IL22RA1: variants seen among roughly 807,000 people sequenced by gnomAD.
The protein encoded by IL22RA1 is interleukin-22 receptor subunit alpha-1.
A neutral mutation model predicts 32.8 loss-of-function variants in IL22RA1; 25 were observed. The observed-to-expected ratio is 0.76, with a 90% CI of 0.55 to 1.06. IL22RA1 has a LOEUF of 1.06. Among genes scored for constraint, IL22RA1 ranks in the 50% least tolerant of loss-of-function variants. IL22RA1 has a pLI of 0.00. For missense variants in IL22RA1, 709 were observed against 727.4 expected, an observed-to-expected ratio of 0.97 and a Z score of 0.29; for synonymous variants, 305 against 305.0, an observed-to-expected ratio of 1.00 and a Z score of 0.00.
intron 5 of IL22RA1, among the ~76,000 whole-genome samples, chr1:24,127,455 A>G (rs1644173605): frequency 1.3e-5 from 2 of 151,652 alleles, no homozygotes; most frequent in Admixed American, 1.3e-4. Context: ...GGGACCACAG[A>G]TGCACGCCAC....
At chr1:24,123,916 T>C (rs1399543081) in intron 5 of IL22RA1, among the ~76,000 whole-genome samples, 1 of 152,202 alleles carries the variant, frequency 6.6e-6, no homozygotes, top group Non-Finnish European at 1.5e-5. Context: ...GGTCATCCTT[T>C]GGGCCAAGGG....
intron 1 of IL22RA1, among the ~76,000 whole-genome samples, chr1:24,142,622 G>A (rs927363748): frequency 1.3e-5 from 2 of 152,174 alleles, no homozygotes; most frequent in Non-Finnish European, 2.9e-5. Context: ...CGTTTCCCCC[G>A]GTCCTTCCTC....
At chr1:24,126,443 C>T (rs1445799140) in intron 5 of IL22RA1, among the ~76,000 whole-genome samples, 1 of 152,220 alleles carries the variant, frequency 6.6e-6, no homozygotes. Context: ...CACCTCAGCC[C>T]AGGCATCAGC....
chr1:24,130,739 C>T (rs960108223), intron 4 of IL22RA1, among the ~76,000 whole-genome samples: 1 of 152,244 alleles, frequency 6.6e-6, no homozygotes, highest in African/African-American at 2.4e-5. Flanking sequence ...CAGTCTTACT[C>T]TGTCACCCAG....
At chr1:24,128,341 A>G in intron 4 of IL22RA1, 62 bp from the exon 5 acceptor site, 6 of 1,603,788 alleles carry the variant, frequency 3.7e-6, no homozygotes, top group South Asian at 1.1e-5. Context: ...ATAGAGCCCA[A>G]GGAAGCTTGC....
Position 24,134,254 on chromosome 1 carries a change from A to AGGTCATGG in IL22RA1, c.480_487dup (p.Leu163ProfsTer8). The AGGTCATGG allele has an allele frequency of 1.2e-6, 2 of 1,612,010 alleles. No individual in the cohort carries two copies. The highest frequency in any genetic ancestry group is 8.5e-7 in the Non-Finnish European group (1 of 1,178,964). ...GACCTGGAGCTCTAAGTGGTAGAAC[A>AGGTCATGG]GGTCATGGAAGATGTCTTCCAGGGT... On this transcript the variant is annotated frameshift_variant, in exon 4 of 7. Transcript: ENST00000270800. LOFTEE classifies it high-confidence loss of function.
At position 24,120,604 on chromosome 1, in the gene IL22RA1, C is replaced by T; in HGVS notation, c.*201G>A. ...GCTGCTCCCCAGAGCTCCCCCGCTGCAGTCCTTATCATGCTGCTTTGCTCC... is the reference window on the plus strand; with the variant it reads ...GCTGCTCCCCAGAGCTCCCCCGCTGTAGTCCTTATCATGCTGCTTTGCTCC... On this transcript the variant is annotated 3_prime_UTR_variant, in exon 7 of 7. Coordinates refer to ENST00000270800, the MANE Select transcript of IL22RA1 (RefSeq NM_021258.4). 4 of 560,534 alleles carry T rather than the reference C, an allele frequency of 7.1e-6. No individual in the cohort carries two copies. In the Middle Eastern group the frequency reaches 1.4e-3, roughly 196 times the overall value. 34.7% of individuals were successfully genotyped at this position (560,534 alleles called of 1,614,324 possible). A position where few individuals can be genotyped will look rare whatever the true frequency, so the allele number is the denominator to read the frequency against.
At position 24,141,968 on chromosome 1, in the gene IL22RA1, G is replaced by A. The variant is rs147829787; in HGVS notation, c.43+1072C>T. ...GGTGAGGGCCCGGTGTGTGCAGCGC[G>A]AGGCAGCTGACCCTTGACAATCTCC... On this transcript the variant is annotated intron_variant, in intron 1 of 6. Transcript: ENST00000270800. Among the ~76,000 whole-genome samples the A allele has an allele frequency of 1.3e-3, 195 of 151,992 alleles. 1 individual carries two copies. In the East Asian group the frequency reaches 0.028, roughly 22 times the overall value.
intron 4 of IL22RA1, among the ~76,000 whole-genome samples, chr1:24,133,563 C>A (rs1644220989): frequency 6.6e-6 from 1 of 152,138 alleles, no homozygotes. Context: ...TTGCCTTCCA[C>A]CTCTTATTAT....
chr1:24,122,623 C>T (rs1329863533), intron 6 of IL22RA1, among the ~76,000 whole-genome samples: 3 of 151,904 alleles, frequency 2.0e-5, no homozygotes, highest in South Asian at 4.2e-4. Flanking sequence ...TGGTAAAACC[C>T]GTCTCTACTA....
In IL22RA1 at chr1:24,121,361, T is replaced by A. The variant is rs1481903010; in HGVS notation, c.1169A>T (p.Tyr390Phe). Reference protein sequence around the residue: ...QAISKVQPSSYAPQATPDSWP... With the variant: ...QAISKVQPSSFAPQATPDSWP... ...GCTGTCCGGAGTGGCTTGAGGGGCA[T>A]AGGAGGAAGGCTGGACCTTAGAGAT... is the stretch of plus-strand genomic sequence containing the variant. The change falls in exon 7 of 7, where the codon TAT (tyrosine) becomes TTT (phenylalanine). Residue 390 changes from tyrosine (Y) to phenylalanine (F), a missense_variant. Coordinates refer to ENST00000270800, the MANE Select transcript of IL22RA1 (RefSeq NM_021258.4). 6.3e-7 allele frequency: 1 copy of A among 1,587,114 alleles called. No homozygotes were observed.
At position 24,121,593 on chromosome 1, in the gene IL22RA1, CG is replaced by C; in HGVS notation, c.936del (p.Ala313GlnfsTer15). ...SQIRVSGPRE[P>X]AGAPQRHSLS... is the part of the protein sequence containing the mutation. Reference sequence around the variant, plus strand: ...AGGCTATGCCGCTGTGGAGCTCCTGCGGGCTCCCTGGGTCCAGACACCCTGA... The same window carrying C: ...AGGCTATGCCGCTGTGGAGCTCCTGCGGCTCCCTGGGTCCAGACACCCTGA... On this transcript the variant is annotated frameshift_variant, in exon 7 of 7. Coordinates refer to ENST00000270800, the MANE Select transcript of IL22RA1 (RefSeq NM_021258.4). LOFTEE classifies it low-confidence loss of function (END_TRUNC). 6.2e-7 allele frequency: 1 copy of C among 1,612,748 alleles called. No individual in the cohort carries two copies. Among genetic ancestry groups the C allele is most frequent in the East Asian group, 2.2e-5 (1 of 44,838 alleles).
intron 6 of IL22RA1, 46 bp downstream of exon 6, chr1:24,123,256 G>A (rs1200123620): frequency 1.3e-6 from 2 of 1,587,772 alleles, no homozygotes; most frequent in African/African-American, 2.7e-5. Flanking sequence ...TCGGAGCCCA[G>A]GCCCTCCCCT....
intron 4 of IL22RA1, among the ~76,000 whole-genome samples, chr1:24,133,785 T>A (rs1644222260): frequency 6.6e-6 from 1 of 152,198 alleles, no homozygotes; most frequent in African/African-American, 2.4e-5. Flanking sequence ...CTGGAGAAAT[T>A]GTATTAAACA....
chr1:24,136,885 T>C (rs960544103), intron 3 of IL22RA1, among the ~76,000 whole-genome samples: 1 of 149,714 alleles, frequency 6.7e-6, no homozygotes, highest in Non-Finnish European at 1.5e-5. Context: ...GGGGTCAAGA[T>C]AAGGGTGGTC....
At chr1:24,128,062 C>A in intron 5 of IL22RA1, 79 bp downstream of exon 5, 1 of 1,403,432 alleles carries the variant, frequency 7.1e-7, no homozygotes. Context: ...CAAGTCTCAC[C>A]TTGGTTACAG....
At chr1:24,134,432 G>A (rs751136204) in intron 3 of IL22RA1, 46 bp from the exon 4 acceptor site, 2 of 1,416,710 alleles carry the variant, frequency 1.4e-6, no homozygotes, top group Non-Finnish European at 1.9e-6. Flanking sequence ...GTCAGAATCG[G>A]TGGGTAGTGT....
intron 4 of IL22RA1, among the ~76,000 whole-genome samples, chr1:24,129,910 A>G (rs2148572445): frequency 6.6e-6 from 1 of 152,230 alleles, no homozygotes; most frequent in African/African-American, 2.4e-5. Flanking sequence ...TCCTTTCCCA[A>G]GTTTTTCACG....
intron 1 of IL22RA1, among the ~76,000 whole-genome samples, chr1:24,142,098 G>A (rs375398271): frequency 3.9e-5 from 6 of 152,278 alleles, no homozygotes; most frequent in South Asian, 2.1e-4. Context: ...GTGCCTCAAG[G>A]GGGTGCCTCA....
Sources: gnomAD v4.1 joint callset for allele counts (sites outside exome capture counted in the v4.1 genomes callset) on GRCh38, gnomAD v4.1.1 for gene constraint, MANE v1.5 for transcripts, NCBI Gene and HGNC (gene_info 2026-07-23, HGNC 2026-07-21) for gene names.